The following SOX6 variants were observed in gnomAD, a reference collection of about 807,000 sequenced individuals.
SOX6 encodes transcription factor SOX-6.
In SOX6, 11 loss-of-function variants were observed where a neutral mutation model predicts 97.8. The ratio of observed to expected loss-of-function variants is 0.11; its 90% CI spans 0.07 to 0.19. The LOEUF (loss-of-function observed/expected upper bound fraction) is 0.19, where lower values mean the gene tolerates loss of function less well. SOX6 is among the 10% of genes least tolerant of loss of function. The probability of loss-of-function intolerance (pLI) is 1.00; values close to 1 mark genes in which losing one functional copy is unlikely to be tolerated. For synonymous variants in SOX6, 360 were observed against 371.4 expected (o/e 0.97, Z 0.35); for missense variants, 810 against 1,039.5 (o/e 0.78, Z 3.04).
chr11:16,525,721 G>A (rs923948260), intron 4 of SOX6, among the ~76,000 whole-genome samples: 9 of 151,734 alleles, frequency 5.9e-5, no homozygotes, highest in Admixed American at 1.3e-4. Context: ...GAAAATTTTC[G>A]CAACCTACTC....
chr11:15,975,087 A>G (rs1385816250), intron 15 of SOX6, among the ~76,000 whole-genome samples: 3 of 152,188 alleles, frequency 2.0e-5, no homozygotes, highest in Admixed American at 6.5e-5. Flanking sequence ...GTCAGCACCT[A>G]GTTGACACTA....
chr11:16,204,163 A>G (rs1301606956), intron 4 of SOX6, among the ~76,000 whole-genome samples: 1 of 152,110 alleles, frequency 6.6e-6, no homozygotes, highest in African/African-American at 2.4e-5. Flanking sequence ...ACCACCACCA[A>G]TTTACATATG....
At chr11:16,130,629 A>C (rs1459875871) in intron 6 of SOX6, among the ~76,000 whole-genome samples, 1 of 151,984 alleles carries the variant, frequency 6.6e-6, no homozygotes, top group Non-Finnish European at 1.5e-5. Flanking sequence ...GGACATTTTG[A>C]ATATAGTATG....
At chr11:16,574,504 T>C (rs745613028) in intron 4 of SOX6, among the ~76,000 whole-genome samples, 1 of 152,088 alleles carries the variant, frequency 6.6e-6, no homozygotes, top group African/African-American at 2.4e-5. Flanking sequence ...TCAAGGTCAA[T>C]TGAAAGTCAC....
intron 3 of SOX6, among the ~76,000 whole-genome samples, chr11:16,242,593 A>G (rs1162054796): frequency 6.6e-6 from 1 of 151,760 alleles, no homozygotes; most frequent in African/African-American, 2.4e-5. Flanking sequence ...TGATGCAACC[A>G]AAAGAAAACA....
chr11:16,528,333 C>T (rs927754923), intron 4 of SOX6, among the ~76,000 whole-genome samples: 4 of 152,094 alleles, frequency 2.6e-5, no homozygotes, highest in Non-Finnish European at 5.9e-5. Flanking sequence ...ACTTACATCT[C>T]ATACCAATAT....
chr11:16,437,900 C>T (rs1351440893), intron 1 of SOX6, among the ~76,000 whole-genome samples: 1 of 152,076 alleles, frequency 6.6e-6, no homozygotes, highest in Admixed American at 6.5e-5. Context: ...ATGGTATATG[C>T]TCAATAAAAG....
chr11:16,526,304 TA>T (rs1165110778), intron 4 of SOX6, among the ~76,000 whole-genome samples: 4 of 152,038 alleles, frequency 2.6e-5, no homozygotes, highest in Admixed American at 2.6e-4. Context: ...TATGCAGCCA[TA>T]AAAAATGATG....
chr11:16,663,660 A>C (rs1331781062), intron 3 of SOX6, among the ~76,000 whole-genome samples: 1 of 152,234 alleles, frequency 6.6e-6, no homozygotes, highest in African/African-American at 2.4e-5. Flanking sequence ...GAGAATTAAA[A>C]AGTGAATTTA....
chr11:16,219,332 T>C (rs1004869922), intron 4 of SOX6, among the ~76,000 whole-genome samples: 1 of 152,096 alleles, frequency 6.6e-6, no homozygotes, highest in African/African-American at 2.4e-5. Context: ...GTAATTTTAT[T>C]TAAAATCACC....
rs545815633 is a variant in SOX6, at chr11:16,456,056, A to T, written c.-5+20259T>A. Among the ~76,000 whole-genome samples the T allele has an allele frequency of 3.6e-4, 55 of 152,212 alleles. 2 individuals carry two copies. In the South Asian group the frequency reaches 0.01, roughly 29 times the overall value. On this transcript the variant is annotated intron_variant, in intron 1 of 15. Transcript: ENST00000396356. ...TAAACCTTATTTTCACTAAATCAAG[A>T]TGTCGATTTATTGTAACACAAATTT...
chr11:16,331,968 T>C (rs1398787230), intron 2 of SOX6, among the ~76,000 whole-genome samples: 1 of 152,124 alleles, frequency 6.6e-6, no homozygotes, highest in Non-Finnish European at 1.5e-5. Context: ...AACTTCCAAA[T>C]ATCCAAAAAC....
chr11:16,046,942 C>A (rs1376560169), intron 11 of SOX6, among the ~76,000 whole-genome samples: 1 of 152,170 alleles, frequency 6.6e-6, no homozygotes, highest in African/African-American at 2.4e-5. Context: ...TCTGTCTACT[C>A]ACCTCCTCAC....
chr11:16,219,468 A>G lies in SOX6; in HGVS notation c.535+15114T>C, dbSNP rs540524944. On this transcript the variant is annotated intron_variant, in intron 4 of 15. Coordinates refer to ENST00000683767, the MANE Select transcript of SOX6 (RefSeq NM_001367873.1). ...TTTTTAAATGACCTAAATTCTCTGT[A>G]GTTTTCTTTTTCAGTATTTTAATGC... 3.5e-4 allele frequency among the ~76,000 whole-genome samples: 54 copies of G among 152,126 alleles called. 1 individual carries two copies. The highest frequency in any genetic ancestry group is 9.9e-4 in the African/African-American group (41 of 41,552).
intron 7 of SOX6, among the ~76,000 whole-genome samples, chr11:16,107,426 TAC>T (rs983412472): frequency 3.4e-5 from 5 of 147,774 alleles, no homozygotes; most frequent in African/African-American, 4.9e-5. Context: ...TACATATATA[TAC>T]ATATATATAC....
chr11:16,521,545 A>C (rs1861063463), intron 4 of SOX6, among the ~76,000 whole-genome samples: 1 of 152,216 alleles, frequency 6.6e-6, no homozygotes, highest in African/African-American at 2.4e-5. Flanking sequence ...AACAGAGCAG[A>C]AAAACTGGAA....
chr11:16,029,408 C>T (rs944799698), intron 12 of SOX6, among the ~76,000 whole-genome samples: 10 of 151,906 alleles, frequency 6.6e-5, no homozygotes, highest in South Asian at 4.1e-4. Context: ...GAGGCCGAGG[C>T]GGGTGAATCA....
chr11:16,360,751 C>A (rs1333168017), upstream of SOX6, among the ~76,000 whole-genome samples: 1 of 152,162 alleles, frequency 6.6e-6, no homozygotes, highest in Non-Finnish European at 1.5e-5. Context: ...CGCCTGTAAT[C>A]CCAGGACTTT....
intron 7 of SOX6, among the ~76,000 whole-genome samples, chr11:16,103,736 G>A (rs549292965): frequency 1.3e-5 from 2 of 151,860 alleles, no homozygotes; most frequent in Non-Finnish European, 2.9e-5. Flanking sequence ...AACCTGGTTG[G>A]AATTGGAGAT....
Sources: allele counts gnomAD v4.1 joint callset (sites outside exome capture counted in the v4.1 genomes callset), GRCh38; gene constraint gnomAD v4.1.1; transcripts MANE v1.5; gene names NCBI Gene and HGNC (gene_info 2026-07-23, HGNC 2026-07-21).